The following FRY variants were observed in gnomAD, a reference collection of about 807,000 sequenced individuals.
FRY encodes protein furry homolog.
In FRY, 128 loss-of-function variants were observed where a neutral mutation model predicts 348.4. The ratio of observed to expected loss-of-function variants is 0.37; its 90% CI spans 0.32 to 0.43. The LOEUF is 0.43. FRY is among the 20% of genes least tolerant of loss of function. The pLI, the probability that FRY is intolerant of heterozygous loss-of-function variation, is 1.00. For synonymous variants in FRY, 1,370 were observed against 1,374.7 expected (o/e 1.00, Z 0.08); for missense variants, 2,736 against 3,695.2 (o/e 0.74, Z 6.73).
At chr13:32,253,991 G>A (rs1039818542) in intron 50 of FRY, among the ~76,000 whole-genome samples, 4 of 152,006 alleles carry the variant, frequency 2.6e-5, no homozygotes, top group Non-Finnish European at 5.9e-5. Flanking sequence ...CCATTAAAAA[G>A]CAGCGACGTG....
chr13:32,290,698 T>C (rs56098434), intron 59 of FRY, among the ~76,000 whole-genome samples: 2,986 of 151,704 alleles, frequency 0.02, 34 homozygotes, highest in Non-Finnish European at 0.032. Context: ...TGGAGACCAG[T>C]GATGAGGCTG....
At chr13:32,198,315 T>G (rs1428663802) in intron 29 of FRY, among the ~76,000 whole-genome samples, 1 of 152,184 alleles carries the variant, frequency 6.6e-6, no homozygotes, top group Non-Finnish European at 1.5e-5. Flanking sequence ...ATAAATGTAT[T>G]AATGTTAGAT....
chr13:32,120,308 G>A (rs1312688891), intron 4 of FRY, among the ~76,000 whole-genome samples: 1 of 152,000 alleles, frequency 6.6e-6, no homozygotes, highest in Non-Finnish European at 1.5e-5. Flanking sequence ...CAGTGCTCTA[G>A]GCCACTTCTT....
intron 47 of FRY, among the ~76,000 whole-genome samples, chr13:32,246,324 C>T (rs184587134): frequency 6.1e-4 from 93 of 152,268 alleles, no homozygotes; most frequent in African/African-American, 2.1e-3. Context: ...ATCTGTGTTT[C>T]TAATATTTTT....
intron 36 of FRY, among the ~76,000 whole-genome samples, chr13:32,219,568 C>G (rs1055613013): frequency 6.1e-5 from 9 of 148,102 alleles, no homozygotes; most frequent in Non-Finnish European, 1.2e-4. Flanking sequence ...ACCATCCTGG[C>G]TAACACGGTG....
Position 32,206,182 on chromosome 13 carries a change from G to T in FRY, c.4019-2671G>T, listed in dbSNP as rs185664756. 1.0e-3 allele frequency among the ~76,000 whole-genome samples: 159 copies of T among 152,208 alleles called. 1 individual carries two copies. The highest frequency in any genetic ancestry group is 1.7e-3 in the Non-Finnish European group (118 of 68,028). On this transcript the variant is annotated intron_variant, in intron 31 of 60. Transcript: ENST00000542859. Reference sequence around the variant, plus strand: ...GGATTAGAGCCACGGGCATGGATGAGATCAGGAATGGAGAGAGCACAGAGT... The same window carrying T: ...GGATTAGAGCCACGGGCATGGATGATATCAGGAATGGAGAGAGCACAGAGT...
intron 36 of FRY, among the ~76,000 whole-genome samples, chr13:32,219,530 G>A (rs1395723833): frequency 6.6e-6 from 1 of 150,968 alleles, no homozygotes; most frequent in African/African-American, 2.4e-5. Flanking sequence ...AGGCCGAGGC[G>A]GGTGGATCAC....
intron 19 of FRY, 107 bp downstream of exon 19, chr13:32,173,656 C>A: frequency 1.2e-6 from 1 of 842,370 alleles, no homozygotes; most frequent in Non-Finnish European, 2.0e-6. Context: ...TTTTATGTTA[C>A]ATGTAGTGTT....
chr13:32,109,854 A>G (rs1441218654), intron 3 of FRY, among the ~76,000 whole-genome samples: 1 of 152,252 alleles, frequency 6.6e-6, no homozygotes, highest in Non-Finnish European at 1.5e-5. Flanking sequence ...ACTAGAGCAC[A>G]TAAGTAAAGA....
At position 32,186,439 on chromosome 13, in the gene FRY, A is replaced by G. The variant is rs1436979942; in HGVS notation, c.3480+19A>G. 6.6e-7 allele frequency: 1 copy of G among 1,508,618 alleles called. No individual in the cohort carries two copies. Among genetic ancestry groups the G allele is most frequent in the Non-Finnish European group, 9.2e-7 (1 of 1,083,768 alleles). 93.5% of individuals were successfully genotyped at this position (1,508,618 alleles called of 1,614,324 possible). ...ATTAAAAGTAGGTGATATTGTACTC[A>G]CGAATGACTGAGTCAGATGGATGGT... On this transcript the variant is annotated intron_variant, in intron 27 of 60. Coordinates refer to ENST00000542859, the MANE Select transcript of FRY (RefSeq NM_023037.3).
chr13:32,269,718 TATTA>T lies in FRY; in HGVS notation c.8136+2362_8136+2365del, dbSNP rs1379038732. ...ATTTTAAAAAAAAAAAAAGATAACT[TATTA>T]ATCTGTTATTCTAGTGAGCAGAAGG... On this transcript the variant is annotated intron_variant, in intron 55 of 60. Transcript: ENST00000542859. Among the ~76,000 whole-genome samples, 5 of 151,790 alleles carry T rather than the reference TATTA, an allele frequency of 3.3e-5. No individual in the cohort carries two copies. In the East Asian group the frequency reaches 9.6e-4, roughly 29 times the overall value.
chr13:32,175,508 A>T (rs1385860203), intron 19 of FRY, 38 bp from the exon 20 acceptor site: 2 of 1,288,176 alleles, frequency 1.6e-6, no homozygotes, highest in African/African-American at 2.9e-5. Flanking sequence ...GGGAGGATTC[A>T]TTTTCCCATA....
chr13:32,179,491 G>A (rs1217437859), intron 22 of FRY, among the ~76,000 whole-genome samples, 184 bp from the exon 23 acceptor site: 1 of 138,986 alleles, frequency 7.2e-6, no homozygotes, highest in Non-Finnish European at 1.6e-5. Context: ...CATTCATTTT[G>A]CTGTATTAAA....
chr13:32,291,548 G>A (rs1013476724), intron 59 of FRY, among the ~76,000 whole-genome samples: 2 of 151,902 alleles, frequency 1.3e-5, no homozygotes, highest in African/African-American at 4.8e-5. Context: ...TAGGATTACA[G>A]GCATGTACCA....
intron 2 of FRY, among the ~76,000 whole-genome samples, chr13:32,080,793 A>G (rs1875431361): frequency 1.3e-5 from 2 of 152,154 alleles, no homozygotes; most frequent in Non-Finnish European, 2.9e-5. Context: ...GAGGCACAAT[A>G]AAGATTCATT....
chr13:32,234,216 G>A (rs1350003381), intron 41 of FRY, among the ~76,000 whole-genome samples: 1 of 151,490 alleles, frequency 6.6e-6, no homozygotes, highest in East Asian at 1.9e-4. Context: ...GAGCCCAGGA[G>A]TTCAAGACCA....
chr13:32,178,128 G>T (rs763537750), intron 20 of FRY, 49 bp from the exon 21 acceptor site: 14 of 1,604,884 alleles, frequency 8.7e-6, no homozygotes, highest in East Asian at 2.2e-5. Flanking sequence ...GATGAGGATG[G>T]ATAACTTCAG....
intron 60 of FRY, 24 bp downstream of exon 60, chr13:32,294,594 G>A: frequency 6.4e-7 from 1 of 1,566,402 alleles, no homozygotes; most frequent in Non-Finnish European, 8.8e-7. Flanking sequence ...TTCTTTTAGA[G>A]GTGGTTGCAG....
Position 32,224,293 on chromosome 13 carries a change from G to T in FRY, c.4824G>T (p.Pro1608=), listed in dbSNP as rs763652703. The T allele has an allele frequency of 2.5e-6, 4 of 1,613,782 alleles. No individual in the cohort carries two copies. The South Asian group carries it at 3.3e-5, about 13-fold the overall frequency. ...TGACTATTACAGAGACCAAGCAGCCGCAGCCCTTACCGATGCCTTGTACTG... is the reference window on the plus strand; with the variant it reads ...TGACTATTACAGAGACCAAGCAGCCTCAGCCCTTACCGATGCCTTGTACTG... ...WLLTITETKQ[P]QPLPMPCTGG... The change falls in exon 37 of 61, where the codon CCG becomes CCT. Residue 1608 remains proline, a synonymous_variant. Coordinates refer to ENST00000542859, the MANE Select transcript of FRY (RefSeq NM_023037.3).
Sources: gnomAD v4.1 joint callset for allele counts (sites outside exome capture counted in the v4.1 genomes callset) on GRCh38, gnomAD v4.1.1 for gene constraint, MANE v1.5 for transcripts, NCBI Gene and HGNC (gene_info 2026-07-23, HGNC 2026-07-21) for gene names.